The following MAF variants were observed in gnomAD, a reference collection of about 807,000 sequenced individuals.
MAF encodes MAF bZIP transcription factor.
In MAF, 10 loss-of-function variants were observed where a neutral mutation model predicts 22.0. The ratio of observed to expected loss-of-function variants is 0.45; its 90% CI spans 0.28 to 0.77. The LOEUF (loss-of-function observed/expected upper bound fraction) is 0.77. Among genes scored for constraint, MAF ranks in the 30% least tolerant of loss-of-function variants. The pLI is 0.12. For missense variants in MAF, 544 were observed against 548.4 expected, an observed-to-expected ratio of 0.99 and a Z score of 0.08; for synonymous variants, 337 against 255.8, an observed-to-expected ratio of 1.32 and a Z score of -3.03.
chr16:79,317,197 C>T, the MAF span, among the ~76,000 whole-genome samples: 1 of 144,022 alleles, frequency 6.9e-6, no homozygotes, highest in Non-Finnish European at 1.5e-5. Flanking sequence ...TCCCTCCTTC[C>T]TTCATCTGTC....
chr16:79,410,375 A>G, the MAF span, among the ~76,000 whole-genome samples: 3 of 152,260 alleles, frequency 2.0e-5, no homozygotes, highest in African/African-American at 7.2e-5. Context: ...TTAAATAGCC[A>G]CATGCCATTA....
chr16:79,462,816 A>T, the MAF span, among the ~76,000 whole-genome samples: 1 of 152,240 alleles, frequency 6.6e-6, no homozygotes, highest in African/African-American at 2.4e-5. Context: ...AGGGATGTCA[A>T]AGTAAACAGG....
the MAF span, among the ~76,000 whole-genome samples, chr16:79,511,528 A>G: frequency 6.6e-6 from 1 of 152,228 alleles, no homozygotes; most frequent in African/African-American, 2.4e-5. Context: ...AATTTCAAAA[A>G]TAAGGGAGAC....
the MAF span, among the ~76,000 whole-genome samples, chr16:79,305,576 C>T: frequency 6.6e-6 from 1 of 152,100 alleles, no homozygotes; most frequent in Non-Finnish European, 1.5e-5. Flanking sequence ...TGGGGAGGGG[C>T]TGCACTAGGA....
the MAF span, among the ~76,000 whole-genome samples, chr16:79,320,869 G>T: frequency 6.6e-6 from 1 of 152,188 alleles, no homozygotes; most frequent in African/African-American, 2.4e-5. Context: ...AGAACCCCAT[G>T]CAGGAGGTAC....
the MAF span, among the ~76,000 whole-genome samples, chr16:79,370,125 C>A: frequency 6.6e-6 from 1 of 152,180 alleles, no homozygotes; most frequent in Non-Finnish European, 1.5e-5. Flanking sequence ...AGTCTCCTTC[C>A]CCAGGAGGCT....
At chr16:79,452,027 A>T in the MAF span, among the ~76,000 whole-genome samples, 1 of 152,120 alleles carries the variant, frequency 6.6e-6, no homozygotes, top group African/African-American at 2.4e-5. Context: ...TCCCTCGCCT[A>T]TTTCTGTAAA....
the MAF span, among the ~76,000 whole-genome samples, chr16:79,243,076 G>C: frequency 2.1e-3 from 313 of 152,012 alleles, 6 homozygotes; most frequent in Middle Eastern, 6.8e-3. Context: ...TTTATAACCA[G>C]CTAGTCCACA....
the MAF span, among the ~76,000 whole-genome samples, chr16:79,563,752 CACACACACACAA>C: frequency 4.1e-3 from 540 of 132,940 alleles, 7 homozygotes; most frequent in Non-Finnish European, 1.1e-3. Context: ...CACACACACA[CACACACACACAA>C]ACACACACAC....
the MAF span, among the ~76,000 whole-genome samples, chr16:79,293,391 G>A: frequency 1.3e-5 from 2 of 152,218 alleles, no homozygotes; most frequent in African/African-American, 4.8e-5. Flanking sequence ...TCTGGAAACA[G>A]AGAAGAGAAA....
At chr16:79,258,924 C>T in the MAF span, among the ~76,000 whole-genome samples, 1 of 152,164 alleles carries the variant, frequency 6.6e-6, no homozygotes, top group East Asian at 1.9e-4. Flanking sequence ...AGATGGGACC[C>T]AGTCTCAGGC....
At chr16:79,368,999 G>T in the MAF span, among the ~76,000 whole-genome samples, 1 of 152,196 alleles carries the variant, frequency 6.6e-6, no homozygotes, top group East Asian at 1.9e-4. Context: ...CTCCGTGAGG[G>T]CAAGGATGTC....
At chr16:79,398,152 C>T in the MAF span, among the ~76,000 whole-genome samples, 8 of 152,148 alleles carry the variant, frequency 5.3e-5, no homozygotes, top group Non-Finnish European at 1.2e-4. Context: ...CTCCTTGCTC[C>T]ATCTTCAAAT....
At chr16:79,532,614 T>C in the MAF span, among the ~76,000 whole-genome samples, 1 of 152,190 alleles carries the variant, frequency 6.6e-6, no homozygotes, top group African/African-American at 2.4e-5. Context: ...AAATAAAGTA[T>C]TCTAATCAAT....
At chr16:79,428,427 G>A in the MAF span, among the ~76,000 whole-genome samples, 2 of 152,210 alleles carry the variant, frequency 1.3e-5, no homozygotes, top group African/African-American at 2.4e-5. Context: ...TGCACGGGAC[G>A]TGGTGTCCTG....
At chr16:79,458,283 A>C in the MAF span, among the ~76,000 whole-genome samples, 1 of 152,094 alleles carries the variant, frequency 6.6e-6, no homozygotes, top group African/African-American at 2.4e-5. Flanking sequence ...CTCGTGTCTC[A>C]TCAGTCCTGA....
chr16:79,294,283 T>A, the MAF span, among the ~76,000 whole-genome samples: 1 of 152,214 alleles, frequency 6.6e-6, no homozygotes, highest in Non-Finnish European at 1.5e-5. Context: ...CCTTTTTCCT[T>A]GAGCAAAGAA....
At chr16:79,520,066 C>A in the MAF span, among the ~76,000 whole-genome samples, 1 of 152,164 alleles carries the variant, frequency 6.6e-6, no homozygotes. Context: ...TCAAAAGGTT[C>A]GCATAGGTAT....
chr16:79,374,512 CT>C, the MAF span, among the ~76,000 whole-genome samples: 1 of 152,280 alleles, frequency 6.6e-6, no homozygotes, highest in East Asian at 1.9e-4. Context: ...GCAAGAACCC[CT>C]TTTTTGTATC....
Sources: allele counts gnomAD v4.1 joint callset (sites outside exome capture counted in the v4.1 genomes callset), GRCh38; gene constraint gnomAD v4.1.1; transcripts MANE v1.5; gene names NCBI Gene and HGNC (gene_info 2026-07-23, HGNC 2026-07-21).